Variants in FER observed in about 807,000 individuals in gnomAD.
The protein encoded by FER is FER tyrosine kinase.
FER carries 63 observed loss-of-function variants against 111.0 expected under a neutral mutation model. That is an observed-to-expected ratio of 0.57 (90% CI 0.46 to 0.70). The LOEUF (loss-of-function observed/expected upper bound fraction) is 0.70. Ranked by LOEUF, FER falls within the 30% of genes least tolerant of loss-of-function variation. FER has a pLI of 0.00. For missense variants in FER, 914 were observed against 954.0 expected (o/e 0.96, Z 0.55); for synonymous variants, 327 against 313.9 (o/e 1.04, Z -0.44).
rs114806251 is a variant in FER at position 108,807,174 on chromosome 5, G to A, written c.207+8785G>A. Among the ~76,000 whole-genome samples, 632 of 152,154 alleles carry A rather than the reference G, an allele frequency of 4.2e-3. 2 individuals carry two copies. Among genetic ancestry groups the A allele is most frequent in the African/African-American group, 0.014 (601 of 41,514 alleles). The stretch of plus-strand genomic sequence containing the variant: ...TGCACTAGCTCTCTTTTTGCTTGCC[G>A]CCATCCATGTAAGATGTGATTTGCT... On this transcript the variant is annotated intron_variant, in intron 3 of 19. Coordinates refer to ENST00000281092, the MANE Select transcript of FER (RefSeq NM_005246.4).
intron 13 of FER, among the ~76,000 whole-genome samples, chr5:108,962,122 G>A (rs1029642129): frequency 6.6e-5 from 10 of 152,076 alleles, no homozygotes. Context: ...CAGAGGTACC[G>A]AAAACTAGAC....
intron 13 of FER, among the ~76,000 whole-genome samples, chr5:108,975,432 C>G (rs1257153855): frequency 6.6e-6 from 1 of 151,994 alleles, no homozygotes; most frequent in Non-Finnish European, 1.5e-5. Flanking sequence ...ATAAATTTGT[C>G]TTGCATTAAG....
intron 16 of FER, among the ~76,000 whole-genome samples, chr5:109,068,403 C>T (rs1333094315): frequency 3.9e-5 from 6 of 152,070 alleles, no homozygotes; most frequent in Admixed American, 2.0e-4. Context: ...AGGCTGGTAT[C>T]GAACTCCTGA....
intron 13 of FER, among the ~76,000 whole-genome samples, chr5:108,988,689 A>G (rs1188990265): frequency 6.6e-6 from 1 of 152,090 alleles, no homozygotes; most frequent in African/African-American, 2.4e-5. Flanking sequence ...TTCTGGGTTA[A>G]TGCTGCTAAT....
chr5:109,053,949 C>T (rs1704625597), intron 16 of FER, among the ~76,000 whole-genome samples: 1 of 152,044 alleles, frequency 6.6e-6, no homozygotes, highest in African/African-American at 2.4e-5. Context: ...CCTCGGCCTC[C>T]CAAAGTGCTA....
chr5:109,044,683 A>T lies in FER; in HGVS notation c.1717A>T (p.Asn573Tyr), dbSNP rs1201969452. The T allele has an allele frequency of 2.5e-5, 37 of 1,487,328 alleles. No individual in the cohort carries two copies. The East Asian group carries it at 8.5e-4, about 34-fold the overall frequency. The allele number at this position is 1,487,328 out of a possible 1,614,324, so 92.1% of individuals were successfully genotyped here. A position where few individuals can be genotyped will look rare whatever the true frequency, so the allele number is the denominator to read the frequency against. The change falls in exon 15 of 20, where the codon AAT becomes TAT. Residue 573 changes from asparagine (N) to tyrosine (Y), a missense_variant. Physicochemically the swap from Asn to Tyr is moderately radical, Grantham distance 143 (BLOSUM62 -2). Coordinates refer to ENST00000281092, the MANE Select transcript of FER (RefSeq NM_005246.4). ...VILGELLGKG[N>Y]FGEVYKGTLK... ...ATGAATGTATTTCTATTTTCAGGGAAATTTTGGTGAAGTATATAAGGGCAC... is the reference window on the plus strand; with the variant it reads ...ATGAATGTATTTCTATTTTCAGGGATATTTTGGTGAAGTATATAAGGGCAC...
chr5:108,976,591 A>T (rs1761378028), intron 13 of FER, among the ~76,000 whole-genome samples: 1 of 152,192 alleles, frequency 6.6e-6, no homozygotes, highest in South Asian at 2.1e-4. Context: ...TCCCAGAAAC[A>T]ACTACTAATA....
rs746165330 is a variant in FER at position 108,798,313 on chromosome 5, C to A, written c.131C>A (p.Ser44Tyr). 1.2e-6 allele frequency: 2 copies of A among 1,613,470 alleles called. No individual in the cohort carries two copies. The highest frequency in any genetic ancestry group is 1.7e-5 in the Admixed American group (1 of 59,996). ...ATAAAAAGTGATAAAGAATATGCAT[C>A]TACTTTACAGAACCTTTGTAATCAA... ...LRIKSDKEYASTLQNLCNQVD... is the reference protein window; with the variant it reads ...LRIKSDKEYAYTLQNLCNQVD... The change falls in exon 3 of 20, where the codon TCT becomes TAT. Residue 44 changes from serine to tyrosine, a missense_variant. Around this residue, in one of 3 missense-constraint regions of FER, gnomAD observed 774 missense variants for 782.6 expected, o/e 0.99. Coordinates refer to ENST00000281092, the MANE Select transcript of FER (RefSeq NM_005246.4).
chr5:109,006,913 A>G (rs73211589), intron 13 of FER, among the ~76,000 whole-genome samples: 12,288 of 152,178 alleles, frequency 0.081, 1,289 homozygotes, highest in African/African-American at 0.24. Context: ...TTCTGGAGGA[A>G]AACTTTGATA....
At chr5:108,835,192 C>CCA (rs1554074783) in intron 4 of FER, among the ~76,000 whole-genome samples, 1 of 121,540 alleles carries the variant, frequency 8.2e-6, no homozygotes, top group African/African-American at 3.3e-5. Context: ...CCACCCCCCC[C>CCA]CCCCCACTTT....
At chr5:108,883,999 T>C (rs1173928647) in intron 9 of FER, among the ~76,000 whole-genome samples, 4 of 152,042 alleles carry the variant, frequency 2.6e-5, no homozygotes, top group African/African-American at 9.6e-5. Flanking sequence ...GATTTGCAAA[T>C]ATCTTCCTAG....
At chr5:108,948,758 G>A (rs1345947697) in intron 11 of FER, among the ~76,000 whole-genome samples, 1 of 152,030 alleles carries the variant, frequency 6.6e-6, no homozygotes, top group Admixed American at 6.6e-5. Context: ...GAGTGGCTGA[G>A]CAAATCGCTT....
intron 6 of FER, among the ~76,000 whole-genome samples, chr5:108,869,719 A>C (rs185640795): frequency 6.6e-6 from 1 of 152,248 alleles, no homozygotes; most frequent in East Asian, 1.9e-4. Flanking sequence ...ATTAGGGATA[A>C]TATTTCTTGG....
At chr5:109,137,313 A>G (rs1753003657) in intron 17 of FER, among the ~76,000 whole-genome samples, 1 of 152,172 alleles carries the variant, frequency 6.6e-6, no homozygotes, top group African/African-American at 2.4e-5. Context: ...CTATGTACCA[A>G]TCAGAGGGTC....
At chr5:108,825,352 C>T (rs1164502460) in intron 3 of FER, among the ~76,000 whole-genome samples, 1 of 152,220 alleles carries the variant, frequency 6.6e-6, no homozygotes, top group Non-Finnish European at 1.5e-5. Flanking sequence ...CATTCTCTTT[C>T]TGGGGGACGT....
At chr5:109,103,121 G>A (rs1748456531) in intron 17 of FER, among the ~76,000 whole-genome samples, 1 of 151,908 alleles carries the variant, frequency 6.6e-6, no homozygotes, top group South Asian at 2.1e-4. Flanking sequence ...AGTTTTTCAG[G>A]TAATGAGGAA....
intron 13 of FER, among the ~76,000 whole-genome samples, chr5:108,972,412 A>G (rs1248866734): frequency 2.0e-5 from 3 of 152,180 alleles, no homozygotes; most frequent in Admixed American, 6.5e-5. Flanking sequence ...AACATCTCGC[A>G]TGATGATATT....
chr5:108,880,654 C>A (rs1008828172), intron 8 of FER, among the ~76,000 whole-genome samples: 1 of 151,974 alleles, frequency 6.6e-6, no homozygotes, highest in Admixed American at 6.6e-5. Context: ...CCAATTCTCT[C>A]AATAACTGAA....
chr5:108,780,910 A>C (rs943841825), intron 2 of FER, among the ~76,000 whole-genome samples: 1 of 151,716 alleles, frequency 6.6e-6, no homozygotes, highest in South Asian at 2.1e-4. Context: ...AGCTGTGTCC[A>C]GTCTACTAGA....
Sources: gnomAD v4.1 joint callset for allele counts (sites outside exome capture counted in the v4.1 genomes callset) on GRCh38, gnomAD v4.1.1 for gene constraint, gnomAD v4.1.1 regional missense constraint, MANE v1.5 for transcripts, NCBI Gene and HGNC (gene_info 2026-07-23, HGNC 2026-07-21) for gene names.